The following ARFGAP3 variants were observed in gnomAD, a reference collection of about 807,000 sequenced individuals.
The protein encoded by ARFGAP3 is ARF GTPase activating protein 3.
Under a neutral mutation model 75.0 loss-of-function variants are expected in ARFGAP3, and 72 were observed. That is an observed-to-expected ratio of 0.96 (90% confidence interval 0.79 to 1.17). ARFGAP3 has a LOEUF of 1.17. Among genes scored for constraint, ARFGAP3 ranks in the 50% most tolerant of loss-of-function variants. The pLI is 0.00. For missense variants in ARFGAP3, 620 were observed against 626.6 expected (o/e 0.99, Z 0.11); for synonymous variants, 221 against 217.9 (o/e 1.01, Z -0.13).
rs1038152420 is a variant in ARFGAP3 at position 42,797,393 on chromosome 22, C to A, written c.*195G>T. 1 of 665,320 alleles carries A rather than the reference C, an allele frequency of 1.5e-6. No individual in the cohort carries two copies. Among genetic ancestry groups the A allele is most frequent in the Admixed American group, 2.9e-5 (1 of 34,150 alleles). 41.2% of individuals were successfully genotyped at this position (665,320 alleles called of 1,614,324 possible). A position where few individuals can be genotyped will look rare whatever the true frequency, so the allele number is the denominator to read the frequency against. ...GGGTGTGACAGGAAGGAACGTGAAACAGAAATCACAGGAAAGCTCCTACAT... is the reference window on the plus strand; with the variant it reads ...GGGTGTGACAGGAAGGAACGTGAAAAAGAAATCACAGGAAAGCTCCTACAT... On this transcript the variant is annotated 3_prime_UTR_variant, in exon 16 of 16. Transcript: ENST00000263245.
chr22:42,851,456 A>G (rs1569176994), intron 1 of ARFGAP3, among the ~76,000 whole-genome samples: 5 of 151,924 alleles, frequency 3.3e-5, no homozygotes, highest in Admixed American at 1.3e-4. Context: ...TAGCCCCATG[A>G]GGGGGGGGCC....
chr22:42,837,659 C>A (rs901356824), intron 3 of ARFGAP3, among the ~76,000 whole-genome samples: 9 of 113,220 alleles, frequency 7.9e-5, no homozygotes, highest in African/African-American at 2.2e-4. Flanking sequence ...AGCCTTGAAA[C>A]ATCTAAGGCA....
chr22:42,856,603 T>C (rs1253819103), intron 1 of ARFGAP3, among the ~76,000 whole-genome samples: 1 of 152,040 alleles, frequency 6.6e-6, no homozygotes, highest in Non-Finnish European at 1.5e-5. Flanking sequence ...AGCCAAAGCG[T>C]AGACTACTCG....
Position 42,834,345 on chromosome 22 carries a change from C to G in ARFGAP3, c.394-20G>C. On this transcript the variant is annotated intron_variant, in intron 4 of 15. Coordinates refer to ENST00000263245, the MANE Select transcript of ARFGAP3 (RefSeq NM_014570.5). ...CCACAGCTAGAACAAAAAAACAACA[C>G]AGGGCTGAGCATTTCATCCGGCCTG... is the stretch of plus-strand genomic sequence containing the variant. 1 of 1,609,724 alleles carries G rather than the reference C, an allele frequency of 6.2e-7. No homozygotes were observed. Among genetic ancestry groups the G allele is most frequent in the South Asian group, 1.1e-5 (1 of 90,306 alleles).
At chr22:42,810,124 A>C (rs1456415486) in intron 12 of ARFGAP3, among the ~76,000 whole-genome samples, 1 of 152,070 alleles carries the variant, frequency 6.6e-6, no homozygotes, top group African/African-American at 2.4e-5. Flanking sequence ...ATTTCTTTCA[A>C]GGTCCACAGA....
chr22:42,810,995 G>A (rs779413536), intron 11 of ARFGAP3, 51 bp from the exon 12 acceptor site: 9 of 1,591,172 alleles, frequency 5.7e-6, no homozygotes, highest in Admixed American at 1.8e-5. Flanking sequence ...GTTGACACTC[G>A]TCCTGGGCTC....
At chr22:42,847,993 T>A (rs1266058641) in intron 1 of ARFGAP3, among the ~76,000 whole-genome samples, 3 of 150,710 alleles carry the variant, frequency 2.0e-5, no homozygotes, top group Admixed American at 6.7e-5. Context: ...GCCTCCGGAG[T>A]AGCTGGGACT....
chr22:42,798,185 G>C (rs1310244488), intron 15 of ARFGAP3, among the ~76,000 whole-genome samples: 1 of 152,076 alleles, frequency 6.6e-6, no homozygotes, highest in Admixed American at 6.5e-5. Context: ...TTTAACTTCA[G>C]TGCCACATGA....
chr22:42,799,361 A>AAAT lies in ARFGAP3; in HGVS notation c.1412-204_1412-202dup, dbSNP rs1307737377. The AAAT allele has an allele frequency of 4.8e-5, 22 of 456,288 alleles. No individual in the cohort carries two copies. The South Asian group carries it at 2.0e-3, about 40-fold the overall frequency. The allele number at this position is 456,288 out of a possible 1,614,324, so 28.3% of individuals were successfully genotyped here. On this transcript the variant is annotated intron_variant, in intron 14 of 15. Coordinates refer to ENST00000263245, the MANE Select transcript of ARFGAP3 (RefSeq NM_014570.5). Reference sequence around the variant, plus strand: ...CACATGAGAGAATCCACACGACAGAAAATGTAGTATGGGGGACTTAACACC... The same window carrying AAAT: ...CACATGAGAGAATCCACACGACAGAAAATAATGTAGTATGGGGGACTTAACACC...
At chr22:42,851,209 G>A (rs925908277) in intron 1 of ARFGAP3, among the ~76,000 whole-genome samples, 3 of 152,216 alleles carry the variant, frequency 2.0e-5, no homozygotes, top group African/African-American at 7.2e-5. Context: ...CAGTCCAGTG[G>A]GCAAGACAAT....
intron 3 of ARFGAP3, among the ~76,000 whole-genome samples, chr22:42,837,634 A>ACCCT (rs1926579245): frequency 1.3e-5 from 2 of 148,972 alleles, no homozygotes; most frequent in Non-Finnish European, 3.0e-5. Context: ...AAAAAAAAAA[A>ACCCT]AAAAACCAAA....
chr22:42,847,495 T>G lies in ARFGAP3; in HGVS notation c.188+19A>C. ...AACAATGTAATCAATCTCACCCCAA[T>G]GAGAGAAGATTCACTTACCGAATAA... On this transcript the variant is annotated intron_variant, in intron 2 of 15. Transcript: ENST00000263245. The G allele has an allele frequency of 3.1e-6, 5 of 1,592,796 alleles. No individual in the cohort carries two copies. The highest frequency in any genetic ancestry group is 4.3e-6 in the Non-Finnish European group (5 of 1,161,932).
At chr22:42,840,671 C>T (rs7290145) in intron 3 of ARFGAP3, among the ~76,000 whole-genome samples, 12,239 of 151,754 alleles carry the variant, frequency 0.081, 653 homozygotes, top group Non-Finnish European at 0.12. Flanking sequence ...TCAAGTGATC[C>T]GCCCGCCTCA....
At chr22:42,827,388 C>G (rs892392297) in intron 6 of ARFGAP3, among the ~76,000 whole-genome samples, 1 of 151,916 alleles carries the variant, frequency 6.6e-6, no homozygotes, top group Non-Finnish European at 1.5e-5. Context: ...CTTTTGGAGA[C>G]AGAATTTCAC....
intron 3 of ARFGAP3, among the ~76,000 whole-genome samples, chr22:42,837,935 G>A (rs1926602273): frequency 6.6e-6 from 1 of 150,648 alleles, no homozygotes; most frequent in African/African-American, 2.4e-5. Context: ...GCCTCCCAAA[G>A]TTCTGGGATT....
chr22:42,809,715 GA>G (rs1925277363), intron 12 of ARFGAP3, among the ~76,000 whole-genome samples: 1 of 151,914 alleles, frequency 6.6e-6, no homozygotes, highest in African/African-American at 2.4e-5. Context: ...AAAATTGGGG[GA>G]AAAAAGGCCG....
intron 9 of ARFGAP3, 46 bp from the exon 10 acceptor site, chr22:42,817,903 T>C: frequency 7.0e-7 from 1 of 1,430,728 alleles, no homozygotes; most frequent in Non-Finnish European, 9.3e-7. Context: ...TAATCCTTTG[T>C]TCTTATATTA....
chr22:42,850,545 C>A (rs1320637592), intron 1 of ARFGAP3, among the ~76,000 whole-genome samples: 5 of 139,902 alleles, frequency 3.6e-5, no homozygotes, highest in Non-Finnish European at 7.5e-5. Context: ...TGCACTCCAG[C>A]CTCAGCAACA....
In ARFGAP3 at chr22:42,799,007, A is replaced by G. The variant is rs1436818604; in HGVS notation, c.1533+32T>C. On this transcript the variant is annotated intron_variant, in intron 15 of 15. Transcript: ENST00000263245. ...TTTTCAAACTGCTGAACCTACCGTC[A>G]TAGCCAGTGAGCACTGCCCCATTCC... 4 of 1,589,412 alleles carry G rather than the reference A, an allele frequency of 2.5e-6. No individual in the cohort carries two copies. In the Admixed American group the frequency reaches 5.0e-5, roughly 20 times the overall value.
Sources: allele counts gnomAD v4.1 joint callset (sites outside exome capture counted in the v4.1 genomes callset), GRCh38; gene constraint gnomAD v4.1.1; transcripts MANE v1.5; gene names NCBI Gene and HGNC (gene_info 2026-07-23, HGNC 2026-07-21).